Variants in ST6GALNAC3 observed in about 807,000 individuals in gnomAD.
ST6GALNAC3 encodes the protein alpha-N-acetylgalactosaminide alpha-2,6-sialyltransferase 3.
ST6GALNAC3 carries 25 observed loss-of-function variants against 32.7 expected under a neutral mutation model. The ratio of observed to expected loss-of-function variants is 0.76; its 90% CI spans 0.56 to 1.07. The LOEUF (loss-of-function observed/expected upper bound fraction) is 1.07. Ranked by LOEUF, ST6GALNAC3 falls within the 50% of genes least tolerant of loss-of-function variation. The pLI is 0.00. For synonymous variants in ST6GALNAC3, 129 were observed against 133.1 expected (o/e 0.97, Z 0.21); for missense variants, 355 against 382.4 (o/e 0.93, Z 0.60).
rs139474177 is a variant in ST6GALNAC3 at position 76,497,970 on chromosome 1, C to T, written c.623+85553C>T. ...AGGGAGATAGCCTGAAGCCCTTTGA[C>T]TGCATTGATCAGGGACAGGACCATG... On this transcript the variant is annotated intron_variant, in intron 3 of 4. Coordinates refer to ENST00000328299, the MANE Select transcript of ST6GALNAC3 (RefSeq NM_152996.4). 1.4e-4 allele frequency among the ~76,000 whole-genome samples: 21 copies of T among 152,322 alleles called. No homozygotes were observed. The East Asian group carries it at 3.5e-3, about 25-fold the overall frequency.
chr1:76,349,067 A>G (rs542335948), intron 2 of ST6GALNAC3, among the ~76,000 whole-genome samples: 1 of 152,262 alleles, frequency 6.6e-6, no homozygotes, highest in Admixed American at 6.5e-5. Context: ...TTTTCTCCCA[A>G]TCATATTCTC....
chr1:76,410,955 G>A (rs1654194277), intron 2 of ST6GALNAC3, among the ~76,000 whole-genome samples: 1 of 152,076 alleles, frequency 6.6e-6, no homozygotes, highest in African/African-American at 2.4e-5. Context: ...AACAAGGATA[G>A]TACCCAGTCG....
intron 1 of ST6GALNAC3, among the ~76,000 whole-genome samples, chr1:76,303,576 G>C (rs1444298849): frequency 6.6e-6 from 1 of 152,054 alleles, no homozygotes; most frequent in Non-Finnish European, 1.5e-5. Context: ...TGAGTACATA[G>C]TGAGCTGTTG....
intron 1 of ST6GALNAC3, among the ~76,000 whole-genome samples, chr1:76,229,813 T>C (rs973110884): frequency 1.3e-5 from 2 of 152,162 alleles, no homozygotes; most frequent in African/African-American, 2.4e-5. Flanking sequence ...GTAAAGCACA[T>C]TGCTAAATGT....
chr1:76,090,465 A>G (rs925706994), intron 1 of ST6GALNAC3, among the ~76,000 whole-genome samples: 1 of 152,232 alleles, frequency 6.6e-6, no homozygotes, highest in Non-Finnish European at 1.5e-5. Flanking sequence ...TCTCCCTGCC[A>G]CAAGTTCCTC....
rs2101828397 is a variant in ST6GALNAC3, at chr1:76,533,818, A to T, written c.624-93634A>T. ...ACATTTTCATCATTGGTCTGTGAGG[A>T]CCCTAACCTTATTCTTCAGTAAGTC... On this transcript the variant is annotated intron_variant, in intron 3 of 4. Transcript: ENST00000328299. 1.3e-5 allele frequency among the ~76,000 whole-genome samples: 2 copies of T among 152,256 alleles called. 1 individual carries two copies. The highest frequency in any genetic ancestry group is 3.9e-4 in the East Asian group (2 of 5,170).
chr1:76,222,230 C>A (rs533976033), intron 1 of ST6GALNAC3, among the ~76,000 whole-genome samples: 2 of 151,996 alleles, frequency 1.3e-5, no homozygotes, highest in African/African-American at 2.4e-5. Context: ...AGCTGGACCC[C>A]TTCCTTAGAA....
intron 3 of ST6GALNAC3, among the ~76,000 whole-genome samples, chr1:76,522,356 T>C (rs1225519477): frequency 6.6e-6 from 1 of 152,174 alleles, no homozygotes; most frequent in East Asian, 1.9e-4. Context: ...AAATTTTTTT[T>C]GCCATTATCT....
chr1:76,498,409 G>A lies in ST6GALNAC3; in HGVS notation c.623+85992G>A, dbSNP rs958283116. On this transcript the variant is annotated intron_variant, in intron 3 of 4. Transcript: ENST00000328299. Reference sequence around the variant, plus strand: ...ATCTCTACTACTGATGAGACAAATGGGGAGCTTTCCAAATGTGAGGGTCAT... The same window carrying A: ...ATCTCTACTACTGATGAGACAAATGAGGAGCTTTCCAAATGTGAGGGTCAT... 2.0e-5 allele frequency among the ~76,000 whole-genome samples: 3 copies of A among 152,230 alleles called. No homozygotes were observed. The East Asian group carries it at 5.8e-4, about 29-fold the overall frequency.
intron 1 of ST6GALNAC3, among the ~76,000 whole-genome samples, chr1:76,313,173 A>G (rs1160011047): frequency 6.6e-6 from 1 of 152,150 alleles, no homozygotes; most frequent in Non-Finnish European, 1.5e-5. Context: ...TACTGTGTCT[A>G]CAAGAATGTG....
At chr1:76,171,895 C>G (rs1304599043) in intron 1 of ST6GALNAC3, among the ~76,000 whole-genome samples, 2 of 148,418 alleles carry the variant, frequency 1.3e-5, no homozygotes, top group Non-Finnish European at 3.0e-5. Context: ...CAGCTGAATT[C>G]TACCAGAAAT....
rs180744833 is a variant in ST6GALNAC3, at chr1:76,568,339, A to G, written c.624-59113A>G. On this transcript the variant is annotated intron_variant, in intron 3 of 4. Transcript: ENST00000328299. Reference sequence around the variant, plus strand: ...CCTGCACATCTCTTCCAGTAATTGAACTGACCTGCATGTTAAGCATTTCAC... The same window carrying G: ...CCTGCACATCTCTTCCAGTAATTGAGCTGACCTGCATGTTAAGCATTTCAC... Among the ~76,000 whole-genome samples the G allele has an allele frequency of 3.3e-5, 5 of 152,262 alleles. No homozygotes were observed. In the East Asian group the frequency reaches 9.7e-4, roughly 29 times the overall value.
chr1:76,074,926 C>T, intron 1 of ST6GALNAC3, 42 bp downstream of exon 1: 1 of 1,575,332 alleles, frequency 6.3e-7, no homozygotes, highest in Non-Finnish European at 8.6e-7. Context: ...GGTTGGCCAG[C>T]CCCTTGCTGC....
At chr1:76,505,867 C>T (rs184679152) in intron 3 of ST6GALNAC3, among the ~76,000 whole-genome samples, 4 of 152,202 alleles carry the variant, frequency 2.6e-5, no homozygotes, top group Admixed American at 2.6e-4. Flanking sequence ...GTGGGTGCAG[C>T]TTAAATTTCA....
chr1:76,269,007 T>G (rs1658692188), intron 1 of ST6GALNAC3, among the ~76,000 whole-genome samples: 1 of 152,248 alleles, frequency 6.6e-6, no homozygotes, highest in African/African-American at 2.4e-5. Context: ...GCATGGCATT[T>G]AATGTTATTA....
At chr1:76,600,481 C>T (rs1647206217) in intron 3 of ST6GALNAC3, among the ~76,000 whole-genome samples, 1 of 152,248 alleles carries the variant, frequency 6.6e-6, no homozygotes, top group South Asian at 2.1e-4. Context: ...TTACATTGTG[C>T]TGGGGACTAG....
chr1:76,393,174 T>G (rs1652695410), intron 2 of ST6GALNAC3, among the ~76,000 whole-genome samples: 1 of 152,248 alleles, frequency 6.6e-6, no homozygotes, highest in Non-Finnish European at 1.5e-5. Context: ...TAAACTATTC[T>G]TTATTTCTAA....
At chr1:76,218,901 A>T (rs1369889731) in intron 1 of ST6GALNAC3, among the ~76,000 whole-genome samples, 3 of 152,186 alleles carry the variant, frequency 2.0e-5, no homozygotes, top group African/African-American at 7.2e-5. Flanking sequence ...TATGTTTATT[A>T]GTTATTTACC....
At chr1:76,574,373 A>C (rs1570331793) in intron 3 of ST6GALNAC3, among the ~76,000 whole-genome samples, 1 of 152,196 alleles carries the variant, frequency 6.6e-6, no homozygotes, top group East Asian at 1.9e-4. Context: ...AGAATCTATT[A>C]GGACCGTAGA....
Sources: allele counts gnomAD v4.1 joint callset (sites outside exome capture counted in the v4.1 genomes callset), GRCh38; gene constraint gnomAD v4.1.1; transcripts MANE v1.5; gene names NCBI Gene and HGNC (gene_info 2026-07-23, HGNC 2026-07-21).